The following MIPEP variants were observed in gnomAD, a reference collection of about 807,000 sequenced individuals.
MIPEP encodes mitochondrial intermediate peptidase.
Under a neutral mutation model 90.3 loss-of-function variants are expected in MIPEP, and 79 were observed. The observed-to-expected ratio is 0.87, with a 90% CI of 0.73 to 1.05. MIPEP has a LOEUF of 1.05. Ranked by LOEUF, MIPEP falls within the 50% of genes least tolerant of loss-of-function variation. The pLI, the probability that MIPEP is intolerant of heterozygous loss-of-function variation, is 0.00. For missense variants in MIPEP, 940 were observed against 905.6 expected (o/e 1.04, Z -0.49); for synonymous variants, 334 against 315.8 (o/e 1.06, Z -0.61).
chr13:23,795,032 G>GAAGACCA (rs1952941435), intron 16 of MIPEP, among the ~76,000 whole-genome samples: 2 of 152,076 alleles, frequency 1.3e-5, no homozygotes, highest in African/African-American at 2.4e-5. Flanking sequence ...GTCTTTCTTC[G>GAAGACCA]TATTTAAGAT....
At position 23,824,345 on chromosome 13, in the gene MIPEP, T is replaced by C. The variant is rs138946831; in HGVS notation, c.1653+11895A>G. On this transcript the variant is annotated intron_variant, in intron 14 of 18. Transcript: ENST00000382172. ...ACTTATGACCATTGAGAAAATGTAC[T>C]GTGGTGAGAAGCTGCATATATATTA... Among the ~76,000 whole-genome samples the C allele has an allele frequency of 1.1e-3, 160 of 152,334 alleles. 2 individuals are homozygous for C. Among genetic ancestry groups the C allele is most frequent in the African/African-American group, 3.7e-3 (155 of 41,564 alleles).
chr13:23,764,711 C>T (rs1459976964), intron 16 of MIPEP, among the ~76,000 whole-genome samples: 4 of 152,222 alleles, frequency 2.6e-5, no homozygotes, highest in South Asian at 4.2e-4. Flanking sequence ...GTGTGCACCA[C>T]CATAATTGGC....
At chr13:23,775,951 T>C (rs1430056783) in intron 16 of MIPEP, among the ~76,000 whole-genome samples, 1 of 152,198 alleles carries the variant, frequency 6.6e-6, no homozygotes, top group Non-Finnish European at 1.5e-5. Flanking sequence ...GAATAAAATG[T>C]TATCAAAATG....
At chr13:23,783,565 A>C (rs1339112759) in intron 16 of MIPEP, among the ~76,000 whole-genome samples, 2 of 152,018 alleles carry the variant, frequency 1.3e-5, no homozygotes, top group Non-Finnish European at 2.9e-5. Flanking sequence ...CCCTCTCACC[A>C]CTCCTATTCA....
chr13:23,827,917 G>A (rs1868541170), intron 14 of MIPEP, among the ~76,000 whole-genome samples: 1 of 151,954 alleles, frequency 6.6e-6, no homozygotes. Flanking sequence ...GGCGATGGAG[G>A]GAGACTCTGT....
At position 23,889,178 on chromosome 13, in the gene MIPEP, T is replaced by A. The variant is rs1229295956; in HGVS notation, c.143A>T (p.Asn48Ile). 6.8e-7 allele frequency: 1 copy of A among 1,467,516 alleles called. No homozygotes were observed. 90.9% of individuals were successfully genotyped at this position (1,467,516 alleles called of 1,614,324 possible). The change falls in exon 1 of 19, where the codon AAT becomes ATT. Residue 48 changes from asparagine (N) to isoleucine (I), a missense_variant. By Grantham distance (149) the Asn-to-Ile change is moderately radical. Coordinates refer to ENST00000382172, the MANE Select transcript of MIPEP (RefSeq NM_005932.4). ...CAAGCGGCTGCCCTGGGGCTTGACATTGAAGGCGGCGCCCACGGGAGACCA... is the reference window on the plus strand; with the variant it reads ...CAAGCGGCTGCCCTGGGGCTTGACAATGAAGGCGGCGCCCACGGGAGACCA... Reference protein sequence around the residue: ...TSWSPVGAAFNVKPQGSRLDL... With the variant: ...TSWSPVGAAFIVKPQGSRLDL...
intron 18 of MIPEP, among the ~76,000 whole-genome samples, chr13:23,751,120 G>A (rs948156307): frequency 6.6e-6 from 1 of 152,224 alleles, no homozygotes; most frequent in Non-Finnish European, 1.5e-5. Context: ...TGTTTTTAAA[G>A]AAACTAGTAG....
chr13:23,832,057 A>T (rs11617475), intron 14 of MIPEP, among the ~76,000 whole-genome samples: 2 of 152,180 alleles, frequency 1.3e-5, no homozygotes, highest in East Asian at 3.9e-4. Flanking sequence ...TTAAGCCCCA[A>T]TGGGGCTTAA....
At position 23,808,793 on chromosome 13, in the gene MIPEP, T is replaced by C. The variant is rs1207661229; in HGVS notation, c.1728+1057A>G. ...GGTAAAGCAAATATAGATTCACGGT[T>C]TTGTCTATATAATAGATTTCCTTCA... On this transcript the variant is annotated intron_variant, in intron 15 of 18. Transcript: ENST00000382172. Among the ~76,000 whole-genome samples, 3 of 152,178 alleles carry C rather than the reference T, an allele frequency of 2.0e-5. No homozygotes were observed. In the East Asian group the frequency reaches 5.8e-4, roughly 29 times the overall value.
At chr13:23,886,821 T>C (rs2137545132) in intron 1 of MIPEP, among the ~76,000 whole-genome samples, 1 of 145,042 alleles carries the variant, frequency 6.9e-6, no homozygotes, top group African/African-American at 2.5e-5. Flanking sequence ...TTAAATGAGA[T>C]CATATATGTA....
At chr13:23,778,921 TCTC>T in intron 16 of MIPEP, among the ~76,000 whole-genome samples, 1 of 152,324 alleles carries the variant, frequency 6.6e-6, no homozygotes, top group Non-Finnish European at 1.5e-5. Context: ...ATCTGATTAA[TCTC>T]ACTCTCCTCA....
intron 10 of MIPEP, among the ~76,000 whole-genome samples, chr13:23,858,549 A>G (rs1026648364): frequency 6.6e-6 from 1 of 152,066 alleles, no homozygotes; most frequent in Admixed American, 6.6e-5. Context: ...GGTTCAGTAA[A>G]CACATGCTGA....
intron 16 of MIPEP, among the ~76,000 whole-genome samples, chr13:23,792,071 T>C (rs1952902531): frequency 6.6e-6 from 1 of 152,112 alleles, no homozygotes; most frequent in African/African-American, 2.4e-5. Flanking sequence ...GGTGTCTCCC[T>C]CTCAATTCAC....
chr13:23,740,930 G>A (rs1593126534), intron 18 of MIPEP, among the ~76,000 whole-genome samples: 1 of 152,188 alleles, frequency 6.6e-6, no homozygotes, highest in African/African-American at 2.4e-5. Context: ...AAAGATGCAA[G>A]GGAAGTTCAT....
intron 5 of MIPEP, among the ~76,000 whole-genome samples, chr13:23,872,035 A>C (rs1322519300): frequency 2.6e-5 from 4 of 152,260 alleles, no homozygotes; most frequent in Non-Finnish European, 5.9e-5. Flanking sequence ...TCACTTCATC[A>C]TTCTGTGGTA....
At chr13:23,812,188 G>A (rs1953179476) in intron 14 of MIPEP, among the ~76,000 whole-genome samples, 1 of 66,126 alleles carries the variant, frequency 1.5e-5, no homozygotes, top group Non-Finnish European at 3.1e-5. Context: ...GTTACTAACT[G>A]TAACGCGTGC....
chr13:23,731,867 C>A (rs951927342), intron 18 of MIPEP, among the ~76,000 whole-genome samples: 2 of 150,732 alleles, frequency 1.3e-5, no homozygotes, highest in African/African-American at 4.9e-5. Context: ...ATAAGTAACA[C>A]AACTAATAGG....
intron 14 of MIPEP, among the ~76,000 whole-genome samples, chr13:23,814,116 C>T (rs1197708013): frequency 3.3e-5 from 5 of 152,276 alleles, no homozygotes; most frequent in Admixed American, 6.5e-5. Context: ...ATCAGCTGCA[C>T]GTTTTACCAG....
intron 14 of MIPEP, among the ~76,000 whole-genome samples, chr13:23,832,570 A>G (rs1392476307): frequency 2.0e-5 from 3 of 152,198 alleles, no homozygotes; most frequent in African/African-American, 7.2e-5. Flanking sequence ...CCACCTATAT[A>G]TAATTCTGTG....
Sources: allele counts gnomAD v4.1 joint callset (sites outside exome capture counted in the v4.1 genomes callset), GRCh38; gene constraint gnomAD v4.1.1; transcripts MANE v1.5; gene names NCBI Gene and HGNC (gene_info 2026-07-23, HGNC 2026-07-21).